The following LRRIQ3 variants were observed in gnomAD, a reference collection of about 807,000 sequenced individuals.
LRRIQ3 encodes leucine-rich repeat and IQ domain-containing protein 3.
In LRRIQ3, 75 loss-of-function variants were observed where a neutral mutation model predicts 59.3. The ratio of observed to expected loss-of-function variants is 1.26; its 90% CI spans 1.05 to 1.53. The LOEUF (loss-of-function observed/expected upper bound fraction) is 1.53, where lower values mean the gene tolerates loss of function less well. Among genes scored for constraint, LRRIQ3 ranks in the 40% most tolerant of loss-of-function variants. LRRIQ3 has a pLI of 0.00. For synonymous variants in LRRIQ3, 250 were observed against 231.3 expected, an observed-to-expected ratio of 1.08 and a Z score of -0.73; for missense variants, 831 against 710.0, an observed-to-expected ratio of 1.17 and a Z score of -1.94.
At chr1:74,114,033 AT>A (rs1398866242) in intron 4 of LRRIQ3, among the ~76,000 whole-genome samples, 1 of 151,742 alleles carries the variant, frequency 6.6e-6, no homozygotes, top group Non-Finnish European at 1.5e-5. Flanking sequence ...TGTTATATAT[AT>A]ACACATATAT....
rs1323425125 is a variant in LRRIQ3 at position 74,085,379 on chromosome 1, T to G, written c.868-10589A>C. 1.3e-5 allele frequency among the ~76,000 whole-genome samples: 2 copies of G among 148,576 alleles called. 1 individual carries two copies. Among genetic ancestry groups the G allele is most frequent in the Non-Finnish European group, 3.0e-5 (2 of 67,228 alleles). ...GCCATAAAATGGCTAATATTTTTAG[T>G]GTAAAAATGTTCATATAGAATAGTC... On this transcript the variant is annotated intron_variant, in intron 5 of 7. Transcript: ENST00000354431.
chr1:74,114,134 A>T (rs922634172), intron 4 of LRRIQ3, among the ~76,000 whole-genome samples: 8 of 151,978 alleles, frequency 5.3e-5, no homozygotes, highest in African/African-American at 1.9e-4. Flanking sequence ...GAATAGTGAA[A>T]CTACCTCAAA....
At chr1:74,042,998 A>T (rs752040211) in intron 6 of LRRIQ3, among the ~76,000 whole-genome samples, 1 of 152,102 alleles carries the variant, frequency 6.6e-6, no homozygotes, top group Non-Finnish European at 1.5e-5. Flanking sequence ...GAATCATCCA[A>T]GTTGGGTCAT....
rs1570148267 is a variant in LRRIQ3 at position 74,120,039 on chromosome 1, T to C, written c.708-10486A>G. 2.6e-5 allele frequency among the ~76,000 whole-genome samples: 4 copies of C among 152,014 alleles called. No individual in the cohort carries two copies. The South Asian group carries it at 8.3e-4, about 31-fold the overall frequency. ...TATACTGAATTCTCACACAGAAATA[T>C]GGTATTTATTTATATATGTTCAGGT... is the stretch of plus-strand genomic sequence containing the variant. On this transcript the variant is annotated intron_variant, in intron 4 of 7. Coordinates refer to ENST00000354431, the MANE Select transcript of LRRIQ3 (RefSeq NM_001105659.2).
chr1:74,115,884 A>G (rs1420302871), intron 4 of LRRIQ3, among the ~76,000 whole-genome samples: 1 of 152,070 alleles, frequency 6.6e-6, no homozygotes, highest in East Asian at 1.9e-4. Flanking sequence ...TAAAACAACT[A>G]AGAATGTTCT....
intron 4 of LRRIQ3, among the ~76,000 whole-genome samples, chr1:74,134,119 A>C (rs1444190111): frequency 1.3e-5 from 2 of 152,054 alleles, no homozygotes; most frequent in African/African-American, 4.8e-5. Flanking sequence ...TAAAATATAG[A>C]GGTCTTCTGT....
chr1:74,184,682 A>G (rs562030035), intron 1 of LRRIQ3, among the ~76,000 whole-genome samples: 12 of 152,226 alleles, frequency 7.9e-5, no homozygotes, highest in African/African-American at 2.4e-4. Flanking sequence ...GCCCCATCTC[A>G]TATCTACTGT....
intron 3 of LRRIQ3, among the ~76,000 whole-genome samples, chr1:74,175,516 T>C (rs1275389600): frequency 6.6e-6 from 1 of 152,114 alleles, no homozygotes; most frequent in Non-Finnish European, 1.5e-5. Context: ...GCCAAAAAGA[T>C]CCTTCTCACT....
intron 6 of LRRIQ3, among the ~76,000 whole-genome samples, chr1:74,042,726 C>T (rs2100392678): frequency 6.6e-6 from 1 of 152,176 alleles, no homozygotes; most frequent in South Asian, 2.1e-4. Flanking sequence ...AATCGTTTTT[C>T]CCTTTTTTGG....
intron 4 of LRRIQ3, among the ~76,000 whole-genome samples, chr1:74,122,273 A>G (rs369625894): frequency 5.3e-5 from 8 of 152,204 alleles, no homozygotes; most frequent in African/African-American, 1.9e-4. Flanking sequence ...AATGATCGCT[A>G]TTCTAATTGG....
intron 4 of LRRIQ3, among the ~76,000 whole-genome samples, chr1:74,112,673 T>C (rs1646714856): frequency 6.6e-6 from 1 of 152,136 alleles, no homozygotes; most frequent in Non-Finnish European, 1.5e-5. Context: ...AGAAAGCTTA[T>C]ACCACTGTCC....
In LRRIQ3 at chr1:74,109,566, G is replaced by A. The variant is rs868867959; in HGVS notation, c.708-13C>T. On this transcript the variant is annotated splice_polypyrimidine_tract_variant and intron_variant, in intron 4 of 7. Transcript: ENST00000354431. The stretch of plus-strand genomic sequence containing the variant: ...GAAAAACACAGGGCTGAATATAAGG[G>A]GAGGGGAAAACTATTTGTTAGTTTT... The A allele has an allele frequency of 6.5e-7, 1 of 1,532,904 alleles. No homozygotes were observed. The allele number at this position is 1,532,904 out of a possible 1,614,324, so 95.0% of individuals were successfully genotyped here.
intron 6 of LRRIQ3, among the ~76,000 whole-genome samples, chr1:74,055,581 G>C (rs184071199): frequency 6.6e-6 from 1 of 152,130 alleles, no homozygotes; most frequent in Non-Finnish European, 1.5e-5. Flanking sequence ...ATATGCCCAG[G>C]ACTGGGCAAT....
intron 5 of LRRIQ3, chr1:74,108,813 T>A (rs537266011): frequency 2.8e-5 from 9 of 317,350 alleles, no homozygotes; most frequent in Non-Finnish European, 5.5e-5. Flanking sequence ...ATTAATTATG[T>A]AGCTTTTGGT....
chr1:74,072,610 T>C (rs1655059066), intron 6 of LRRIQ3, among the ~76,000 whole-genome samples: 1 of 152,082 alleles, frequency 6.6e-6, no homozygotes, highest in South Asian at 2.1e-4. Context: ...AGTAATAGTA[T>C]CTAGGAAATA....
At position 74,190,116 on chromosome 1, in the gene LRRIQ3, G is replaced by C. The variant is rs543943735; in HGVS notation, c.1-6432C>G. 2.0e-5 allele frequency among the ~76,000 whole-genome samples: 3 copies of C among 152,086 alleles called. No individual in the cohort carries two copies. In the South Asian group the frequency reaches 6.2e-4, roughly 32 times the overall value. On this transcript the variant is annotated intron_variant, in intron 1 of 7. Coordinates refer to ENST00000354431, the MANE Select transcript of LRRIQ3 (RefSeq NM_001105659.2). Reference sequence around the variant, plus strand: ...TTAGCTACACAAAGTAAGGTCATAGGGTAAACTGCTGACCACAAAATTGGA... The same window carrying C: ...TTAGCTACACAAAGTAAGGTCATAGCGTAAACTGCTGACCACAAAATTGGA...
At chr1:74,187,692 T>C (rs761684015) in intron 1 of LRRIQ3, among the ~76,000 whole-genome samples, 2 of 152,028 alleles carry the variant, frequency 1.3e-5, no homozygotes, top group African/African-American at 2.4e-5. Context: ...CTAAAGAACC[T>C]ATCCATGTAA....
chr1:74,121,748 A>G (rs1194283712), intron 4 of LRRIQ3, among the ~76,000 whole-genome samples: 1 of 90,582 alleles, frequency 1.1e-5, no homozygotes, highest in African/African-American at 4.4e-5. Context: ...CCCACCCCAC[A>G]ACAGGCCCCA....
intron 1 of LRRIQ3, among the ~76,000 whole-genome samples, chr1:74,186,182 T>C (rs1254477961): frequency 6.6e-6 from 1 of 151,834 alleles, no homozygotes; most frequent in South Asian, 2.1e-4. Context: ...GAAGATATTA[T>C]CTTCTTCCTG....
Sources: gnomAD v4.1 joint callset for allele counts (sites outside exome capture counted in the v4.1 genomes callset) on GRCh38, gnomAD v4.1.1 for gene constraint, MANE v1.5 for transcripts, NCBI Gene and HGNC (gene_info 2026-07-23, HGNC 2026-07-21) for gene names.